The following PACRG variants were observed in gnomAD, a reference collection of about 807,000 sequenced individuals.
The protein encoded by PACRG is parkin coregulated, also known as parkin coregulated gene protein.
PACRG carries 29 observed loss-of-function variants against 29.7 expected under a neutral mutation model. That is an observed-to-expected ratio of 0.98 (90% CI 0.73 to 1.33). The LOEUF is 1.33. Among genes scored for constraint, PACRG ranks in the 40% most tolerant of loss-of-function variants. The pLI is 0.00. For synonymous variants in PACRG, 116 were observed against 118.7 expected (o/e 0.98, Z 0.15); for missense variants, 279 against 316.2 (o/e 0.88, Z 0.89).
intron 2 of PACRG, among the ~76,000 whole-genome samples, chr6:162,914,006 C>T (rs891172605): frequency 6.6e-6 from 1 of 151,970 alleles, no homozygotes; most frequent in African/African-American, 2.4e-5. Flanking sequence ...TAATTTTTCT[C>T]AGTCAGTGGT....
At chr6:162,930,334 T>G (rs1797756731) in intron 2 of PACRG, among the ~76,000 whole-genome samples, 1 of 151,932 alleles carries the variant, frequency 6.6e-6, no homozygotes, top group South Asian at 2.1e-4. Context: ...TTCCTAGATA[T>G]TTTATATTCT....
intron 4 of PACRG, among the ~76,000 whole-genome samples, chr6:163,231,203 C>T (rs1782030743): frequency 6.6e-6 from 1 of 152,228 alleles, no homozygotes; most frequent in African/African-American, 2.4e-5. Context: ...CTGCCAGCAG[C>T]ACTGGCGTCC....
chr6:163,096,951 G>A (rs1814649277), intron 4 of PACRG, among the ~76,000 whole-genome samples: 2 of 152,190 alleles, frequency 1.3e-5, no homozygotes, highest in South Asian at 4.1e-4. Context: ...TCATTTTCTA[G>A]ATGCTACTAA....
At chr6:163,109,177 C>T (rs1285939630) in intron 4 of PACRG, among the ~76,000 whole-genome samples, 7 of 152,236 alleles carry the variant, frequency 4.6e-5, no homozygotes, top group African/African-American at 1.4e-4. Context: ...TAAGGTTTCT[C>T]TACCAGACAA....
intron 3 of PACRG, among the ~76,000 whole-genome samples, chr6:163,079,936 C>T (rs562699671): frequency 1.2e-4 from 14 of 117,384 alleles, no homozygotes; most frequent in African/African-American, 3.0e-4. Context: ...CTCACTCTGT[C>T]GCCCAGGCTG....
At chr6:163,027,748 A>G (rs988202474) in intron 2 of PACRG, among the ~76,000 whole-genome samples, 3 of 152,232 alleles carry the variant, frequency 2.0e-5, no homozygotes, top group Non-Finnish European at 4.4e-5. Flanking sequence ...TTTCATGGCC[A>G]GTCAAGAGAT....
At chr6:163,179,093 G>T in intron 4 of PACRG, 1 of 400,760 alleles carries the variant, frequency 2.5e-6, no homozygotes, top group Non-Finnish European at 5.2e-6. Flanking sequence ...TAATCAAAAA[G>T]AAGCTTAGGT....
chr6:162,885,769 CAT>C (rs1491109041), intron 2 of PACRG, among the ~76,000 whole-genome samples: 2 of 151,222 alleles, frequency 1.3e-5, no homozygotes, highest in African/African-American at 2.4e-5. Context: ...TGCACACGTG[CAT>C]GTGTGTGTGT....
chr6:162,988,259 T>A (rs1340797266), intron 2 of PACRG, among the ~76,000 whole-genome samples: 1 of 152,198 alleles, frequency 6.6e-6, no homozygotes, highest in Non-Finnish European at 1.5e-5. Flanking sequence ...TGAGGAAGAA[T>A]GTTGTGAATT....
chr6:162,732,909 G>T (rs554576600), intron 1 of PACRG, among the ~76,000 whole-genome samples: 7 of 152,256 alleles, frequency 4.6e-5, no homozygotes, highest in African/African-American at 1.2e-4. Context: ...CCCATTCTGT[G>T]TTCTAAAATT....
At chr6:163,075,185 C>T (rs1179322567) in intron 3 of PACRG, among the ~76,000 whole-genome samples, 1 of 152,068 alleles carries the variant, frequency 6.6e-6, no homozygotes, top group African/African-American at 2.4e-5. Context: ...CTTACCAAAA[C>T]TGACACCTGA....
At chr6:162,950,358 A>T (rs1044353072) in intron 2 of PACRG, among the ~76,000 whole-genome samples, 2 of 152,054 alleles carry the variant, frequency 1.3e-5, no homozygotes, top group African/African-American at 4.8e-5. Context: ...GAAAAAAAAA[A>T]TTAGCCGGGC....
chr6:163,230,045 G>A (rs889131038), intron 4 of PACRG, among the ~76,000 whole-genome samples: 49 of 152,138 alleles, frequency 3.2e-4, no homozygotes, highest in African/African-American at 9.9e-4. Context: ...CATCAGAAAC[G>A]CCTCAAAGTC....
intron 1 of PACRG, among the ~76,000 whole-genome samples, chr6:162,737,022 T>C (rs933187379): frequency 6.6e-6 from 1 of 152,192 alleles, no homozygotes; most frequent in Non-Finnish European, 1.5e-5. Flanking sequence ...TTTTTCTGTA[T>C]TTTACAGTAT....
At chr6:162,813,764 A>G (rs1004607496) in intron 1 of PACRG, among the ~76,000 whole-genome samples, 4 of 152,200 alleles carry the variant, frequency 2.6e-5, no homozygotes, top group African/African-American at 7.2e-5. Flanking sequence ...CATAAAGTAT[A>G]TCAGACCCAA....
At chr6:163,095,331 T>A in intron 4 of PACRG, 4 of 985,302 alleles carry the variant, frequency 4.1e-6, no homozygotes, top group Non-Finnish European at 4.8e-6. Context: ...CTCTTCTCTG[T>A]AGACCTCCCT....
chr6:163,172,740 T>C (rs994876347), intron 4 of PACRG, among the ~76,000 whole-genome samples: 1 of 152,222 alleles, frequency 6.6e-6, no homozygotes, highest in African/African-American at 2.4e-5. Flanking sequence ...TTGGCCTCAA[T>C]TACGAATCTC....
chr6:162,936,115 A>C (rs1162813153), intron 2 of PACRG, among the ~76,000 whole-genome samples: 2 of 152,140 alleles, frequency 1.3e-5, no homozygotes, highest in African/African-American at 4.8e-5. Flanking sequence ...AGAGAATGAG[A>C]GTCAAGCTAA....
At chr6:162,933,788 A>G (rs559326560) in intron 2 of PACRG, among the ~76,000 whole-genome samples, 1 of 152,114 alleles carries the variant, frequency 6.6e-6, no homozygotes, top group Admixed American at 6.5e-5. Flanking sequence ...CGTTTAGTTC[A>G]TGGTTCTACT....
Sources: allele counts gnomAD v4.1 joint callset (sites outside exome capture counted in the v4.1 genomes callset), GRCh38; gene constraint gnomAD v4.1.1; transcripts MANE v1.5; gene names NCBI Gene and HGNC (gene_info 2026-07-23, HGNC 2026-07-21).